Variants in CACNA1G observed in about 807,000 individuals in gnomAD.
The protein encoded by CACNA1G is calcium voltage-gated channel subunit alpha1 G, also known as voltage-dependent T-type calcium channel subunit alpha-1G.
In CACNA1G, 67 loss-of-function variants were observed where a neutral mutation model predicts 219.4. That is an observed-to-expected ratio of 0.31 (90% confidence interval 0.25 to 0.37). The LOEUF is 0.37. CACNA1G is among the 10% of genes least tolerant of loss of function. The pLI, the probability that CACNA1G is intolerant of heterozygous loss-of-function variation, is 1.00. For synonymous variants in CACNA1G, 1,296 were observed against 1,345.3 expected, an observed-to-expected ratio of 0.96 and a Z score of 0.80; for missense variants, 2,380 against 3,231.4, an observed-to-expected ratio of 0.74 and a Z score of 6.39.
chr17:50,612,978 G>A (rs968484507), intron 26 of CACNA1G, among the ~76,000 whole-genome samples: 3 of 152,316 alleles, frequency 2.0e-5, no homozygotes, highest in Non-Finnish European at 4.4e-5. Flanking sequence ...CCACACCTGG[G>A]TGCTTGCCTG....
rs894528794 is a variant in CACNA1G at position 50,571,098 on chromosome 17, T to A, written c.587-780T>A. On this transcript the variant is annotated intron_variant, in intron 4 of 37. Transcript: ENST00000359106. The surrounding 1 kb of genome is among the most constrained non-coding windows in gnomAD (Gnocchi z 4.3). ...AGGGAAGTAACCCTAACAGGGCTTT[T>A]GAGGAGGGGGTTTCAGTGGCTTTCC... Among the ~76,000 whole-genome samples the A allele has an allele frequency of 6.6e-6, 1 of 152,080 alleles. No homozygotes were observed. The highest frequency in any genetic ancestry group is 2.4e-5 in the African/African-American group (1 of 41,402).
chr17:50,591,431 G>T lies in CACNA1G; in HGVS notation c.2454-4G>T. On this transcript the variant is annotated splice_region_variant and splice_polypyrimidine_tract_variant and intron_variant, in intron 10 of 37. Transcript: ENST00000359106. ...GGGGCTCAGGCTGCCTGCCCCCTTT[G>T]CAGCGTGTGGGAGATCGTGGGCCAG... 1 of 1,553,498 alleles carries T rather than the reference G, an allele frequency of 6.4e-7. No individual in the cohort carries two copies. The highest frequency in any genetic ancestry group is 8.7e-7 in the Non-Finnish European group (1 of 1,151,404).
chr17:50,577,078 A>ATC (rs1210279975), intron 8 of CACNA1G, among the ~76,000 whole-genome samples: 1 of 152,160 alleles, frequency 6.6e-6, no homozygotes. Context: ...GTTACGTGGG[A>ATC]ATGTGGGCTG....
intron 10 of CACNA1G, 52 bp downstream of exon 10, chr17:50,590,674 G>A: frequency 6.3e-7 from 1 of 1,578,698 alleles, no homozygotes; most frequent in Non-Finnish European, 8.7e-7. Flanking sequence ...TAGCAGGGGT[G>A]GCTTGGGGCC....
chr17:50,626,106 G>A lies in CACNA1G; in HGVS notation c.6489G>A (p.Leu2163=), dbSNP rs745493641. The part of the protein sequence containing the change: ...LAEVSGPSPP[L]ARAYSFWGQS... Reference sequence around the variant, plus strand: ...AGGTGAGTGGGCCCTCCCCGCCCCTGGCCCGGGCCTACTCTTTCTGGGGCC... The same window carrying A: ...AGGTGAGTGGGCCCTCCCCGCCCCTAGCCCGGGCCTACTCTTTCTGGGGCC... The change falls in exon 38 of 38, where the codon CTG becomes CTA. Residue 2163 remains leucine (L), a synonymous_variant. Coordinates refer to ENST00000359106, the MANE Select transcript of CACNA1G (RefSeq NM_018896.5). The surrounding 1 kb of genome is among the most constrained non-coding windows in gnomAD (Gnocchi z 4.3). 7 of 1,613,634 alleles carry A rather than the reference G, an allele frequency of 4.3e-6. No individual in the cohort carries two copies. In the South Asian group the frequency reaches 7.7e-5, roughly 18 times the overall value.
Position 50,623,997 on chromosome 17 carries a change from A to G in CACNA1G, c.6151A>G (p.Ser2051Gly). 6.2e-7 allele frequency: 1 copy of G among 1,613,202 alleles called. No homozygotes were observed. The highest frequency in any genetic ancestry group is 2.2e-5 in the East Asian group (1 of 44,816). Residue 2051 changes from serine (S) to glycine (G), a missense_variant, in exon 36 of 38, where the codon AGC (serine) becomes GGC (glycine). By Grantham distance (56) the Ser-to-Gly change is moderately conservative (BLOSUM62 0). Coordinates refer to ENST00000359106, the MANE Select transcript of CACNA1G (RefSeq NM_018896.5). ...VSRTHSLPNDSYMCRHGSTAE... is the reference protein window; with the variant it reads ...VSRTHSLPNDGYMCRHGSTAE... ...CCGAACGCACTCTCTGCCCAATGACAGCTACATGTGTCGGCATGGGAGCAC... is the reference window on the plus strand; with the variant it reads ...CCGAACGCACTCTCTGCCCAATGACGGCTACATGTGTCGGCATGGGAGCAC...
rs961655809 is a variant in CACNA1G, at chr17:50,599,723, G to A, written c.3554G>A (p.Arg1185His). ...PDTLQVPGLH[R>H]TASGRGSASE... Reference sequence around the variant, plus strand: ...ACACTGCAGGTGCCAGGGCTGCATCGCACTGCCAGTGGCCGAGGGTCTGCT... The same window carrying A: ...ACACTGCAGGTGCCAGGGCTGCATCACACTGCCAGTGGCCGAGGGTCTGCT... The change falls in exon 17 of 38, where the codon CGC (arginine) becomes CAC (histidine). Residue 1185 changes from arginine to histidine, a missense_variant. By Grantham distance (29) the Arg-to-His change is conservative (BLOSUM62 0). Around this residue, in one of 17 missense-constraint regions of CACNA1G, gnomAD observed 418 missense variants for 434.3 expected, o/e 0.96. Transcript: ENST00000359106. 12 of 1,613,418 alleles carry A rather than the reference G, an allele frequency of 7.4e-6. No homozygotes were observed. In the East Asian group the frequency reaches 1.1e-4, roughly 15 times the overall value.
At chr17:50,614,389 T>G (rs1275094111) in intron 26 of CACNA1G, among the ~76,000 whole-genome samples, 1 of 152,096 alleles carries the variant, frequency 6.6e-6, no homozygotes, top group Non-Finnish European at 1.5e-5. Flanking sequence ...GAAAAGCCTC[T>G]TCCTTCTCTG....
At chr17:50,574,680 A>G (rs528873833) in intron 7 of CACNA1G, among the ~76,000 whole-genome samples, 1 of 152,284 alleles carries the variant, frequency 6.6e-6, no homozygotes, top group Non-Finnish European at 1.5e-5. Context: ...AATCTTTCCT[A>G]ACAGCTCTCT....
intron 26 of CACNA1G, among the ~76,000 whole-genome samples, chr17:50,612,555 A>T (rs1165232183): frequency 6.6e-6 from 1 of 152,210 alleles, no homozygotes; most frequent in Non-Finnish European, 1.5e-5. Context: ...TGGCCACGGC[A>T]GCTGAAGGTG....
At chr17:50,574,882 C>A (rs1042638551) in intron 7 of CACNA1G, among the ~76,000 whole-genome samples, 1 of 152,052 alleles carries the variant, frequency 6.6e-6, no homozygotes, top group Non-Finnish European at 1.5e-5. Context: ...CAGGTGGCAG[C>A]CTGACTAGTC....
chr17:50,575,768 C>A lies in CACNA1G; in HGVS notation c.1366C>A (p.Arg456=). ...AGCCCGCAGGCTGGCTCAGGTCTCTCGGGCAGCAGGTGTGCGGGTTGGGCT... is the reference window on the plus strand; with the variant it reads ...AGCCCGCAGGCTGGCTCAGGTCTCTAGGGCAGCAGGTGTGCGGGTTGGGCT... ...KAARRLAQVS[R]AAGVRVGLLS... Residue 456 remains arginine, a synonymous_variant, in exon 8 of 38, where the codon CGG becomes AGG. Transcript: ENST00000359106. 6.4e-7 allele frequency: 1 copy of A among 1,559,642 alleles called. No homozygotes were observed. The highest frequency in any genetic ancestry group is 8.7e-7 in the Non-Finnish European group (1 of 1,152,140).
chr17:50,562,401 C>A (rs1181634894), intron 1 of CACNA1G, among the ~76,000 whole-genome samples: 1 of 152,102 alleles, frequency 6.6e-6, no homozygotes, highest in African/African-American at 2.4e-5. Context: ...AGAATGAGAA[C>A]AAGATGTGGT....
intron 1 of CACNA1G, among the ~76,000 whole-genome samples, chr17:50,565,131 GCA>G (rs145576729): frequency 8.8e-4 from 121 of 137,184 alleles, no homozygotes; most frequent in African/African-American, 3.6e-3. Context: ...GCACGCGCGC[GCA>G]CACACACACG....
At chr17:50,586,157 C>T (rs1238615222) in intron 9 of CACNA1G, among the ~76,000 whole-genome samples, 1 of 152,184 alleles carries the variant, frequency 6.6e-6, no homozygotes, top group African/African-American at 2.4e-5. Flanking sequence ...CCCTCCAAGC[C>T]GTCCACACGC....
chr17:50,621,464 G>T lies in CACNA1G; in HGVS notation c.5926-196G>T, dbSNP rs2052003883. On this transcript the variant is annotated intron_variant, in intron 34 of 37. Coordinates refer to ENST00000359106, the MANE Select transcript of CACNA1G (RefSeq NM_018896.5). The surrounding 1 kb of genome is among the most constrained non-coding windows in gnomAD (Gnocchi z 4.6). Reference sequence around the variant, plus strand: ...GCAGCCTCTCTGATCAGAGCAGGGGGTTGAAGTGGGTGCGGGGAGGCACTG... The same window carrying T: ...GCAGCCTCTCTGATCAGAGCAGGGGTTTGAAGTGGGTGCGGGGAGGCACTG... 6.6e-6 allele frequency among the ~76,000 whole-genome samples: 1 copy of T among 152,168 alleles called. No homozygotes were observed. Among genetic ancestry groups the T allele is most frequent in the Non-Finnish European group, 1.5e-5 (1 of 68,030 alleles).
At chr17:50,604,124 G>T in intron 21 of CACNA1G, 31 bp from the exon 22 acceptor site, 1 of 1,605,870 alleles carries the variant, frequency 6.2e-7, no homozygotes, top group Non-Finnish European at 8.5e-7. Flanking sequence ...GCTGGGGGAA[G>T]CCTTATCACC....
At chr17:50,563,488 C>G (rs1260776286) in intron 1 of CACNA1G, among the ~76,000 whole-genome samples, 2 of 152,236 alleles carry the variant, frequency 1.3e-5, no homozygotes, top group Admixed American at 1.3e-4. Context: ...CCTCTATGTC[C>G]TCCTTCTCAA....
At chr17:50,584,064 C>T (rs548697362) in intron 9 of CACNA1G, among the ~76,000 whole-genome samples, 38 of 152,150 alleles carry the variant, frequency 2.5e-4, no homozygotes, top group African/African-American at 5.1e-4. Context: ...GGCAGAATCC[C>T]GAGCATGATG....
Sources: gnomAD v4.1 joint callset for allele counts (sites outside exome capture counted in the v4.1 genomes callset) on GRCh38, gnomAD v4.1.1 for gene constraint, gnomAD v4.1.1 regional missense constraint, Gnocchi (gnomAD v3.1) non-coding constraint, MANE v1.5 for transcripts, NCBI Gene and HGNC (gene_info 2026-07-23, HGNC 2026-07-21) for gene names.